The following AIG1 variants were observed in gnomAD, a reference collection of about 807,000 sequenced individuals.
AIG1 encodes the protein androgen-induced gene 1 protein.
AIG1 carries 23 observed loss-of-function variants against 31.4 expected under a neutral mutation model. The observed-to-expected ratio is 0.73, with a 90% confidence interval of 0.53 to 1.04. AIG1 has a LOEUF of 1.04. Among genes scored for constraint, AIG1 ranks in the 50% least tolerant of loss-of-function variants. The pLI is 0.00. For missense variants in AIG1, 274 were observed against 295.0 expected (o/e 0.93, Z 0.52); for synonymous variants, 100 against 110.5 (o/e 0.90, Z 0.60).
rs373472125 is a variant in AIG1, at chr6:143,219,057, T to C, written c.399+53874T>C. 2.7e-4 allele frequency among the ~76,000 whole-genome samples: 41 copies of C among 152,318 alleles called. 1 individual carries two copies. The highest frequency in any genetic ancestry group is 2.5e-3 in the Admixed American group (38 of 15,290). On this transcript the variant is annotated intron_variant, in intron 3 of 5. Transcript: ENST00000357847. ...AAAATTAATTAAATAGAAGAGTTAC[T>C]TTCCAAAATAGCAGAACTCATTAGA...
intron 3 of AIG1, among the ~76,000 whole-genome samples, chr6:143,230,144 T>C (rs1350315413): frequency 6.6e-6 from 1 of 152,198 alleles, no homozygotes; most frequent in Non-Finnish European, 1.5e-5. Context: ...TTTAAGATCC[T>C]TTAATGGTTT....
chr6:143,183,407 G>A (rs1446563007), intron 3 of AIG1, among the ~76,000 whole-genome samples: 1 of 152,128 alleles, frequency 6.6e-6, no homozygotes, highest in Admixed American at 6.5e-5. Context: ...TGTTGGCCAG[G>A]ATGGCCTCAA....
chr6:143,137,471 A>G (rs1467975418), intron 2 of AIG1, among the ~76,000 whole-genome samples: 1 of 152,178 alleles, frequency 6.6e-6, no homozygotes, highest in Non-Finnish European at 1.5e-5. Flanking sequence ...AATTCAGTCT[A>G]TCAGTTTCTT....
At chr6:143,103,717 C>T (rs938468458) in intron 1 of AIG1, among the ~76,000 whole-genome samples, 3 of 151,660 alleles carry the variant, frequency 2.0e-5, no homozygotes, top group Non-Finnish European at 4.4e-5. Flanking sequence ...CCATTTTAGC[C>T]GGGATGGTCT....
At chr6:143,178,106 G>A (rs183654292) in intron 3 of AIG1, among the ~76,000 whole-genome samples, 35 of 152,286 alleles carry the variant, frequency 2.3e-4, no homozygotes, top group African/African-American at 8.2e-4. Context: ...TGAGGAGTGC[G>A]TGCATTGCCT....
intron 4 of AIG1, among the ~76,000 whole-genome samples, chr6:143,309,667 G>T (rs187486374): frequency 6.6e-6 from 1 of 152,048 alleles, no homozygotes; most frequent in East Asian, 1.9e-4. Flanking sequence ...CACTTTAAAT[G>T]TGAATAGCCT....
intron 3 of AIG1, among the ~76,000 whole-genome samples, chr6:143,198,227 G>A (rs1244936756): frequency 6.6e-6 from 1 of 152,166 alleles, no homozygotes; most frequent in Non-Finnish European, 1.5e-5. Context: ...TTTTTAAGGT[G>A]TCATATACTT....
intron 3 of AIG1, among the ~76,000 whole-genome samples, chr6:143,255,034 C>T (rs1795286497): frequency 6.6e-6 from 1 of 151,780 alleles, no homozygotes. Flanking sequence ...GAGAACCTGT[C>T]TCAAAAGATT....
At chr6:143,095,929 A>G (rs1276023655) in intron 1 of AIG1, among the ~76,000 whole-genome samples, 1 of 107,668 alleles carries the variant, frequency 9.3e-6, no homozygotes, top group Non-Finnish European at 1.7e-5. Flanking sequence ...TTTTTTTGAG[A>G]TGGAGTCTCA....
chr6:143,122,775 GA>G (rs1413585091), intron 1 of AIG1, among the ~76,000 whole-genome samples: 3 of 152,102 alleles, frequency 2.0e-5, no homozygotes, highest in Non-Finnish European at 4.4e-5. Context: ...CTGTCATTGA[GA>G]ACAGCTTGAC....
At chr6:143,189,634 G>A (rs891623001) in intron 3 of AIG1, 3 of 985,292 alleles carry the variant, frequency 3.0e-6, no homozygotes, top group Middle Eastern at 5.2e-4. Flanking sequence ...CTTTTTTGAT[G>A]TGTCTTAAAG....
At chr6:143,133,773 T>G (rs1444707249) in intron 1 of AIG1, among the ~76,000 whole-genome samples, 1 of 152,136 alleles carries the variant, frequency 6.6e-6, no homozygotes, top group Non-Finnish European at 1.5e-5. Context: ...TAACTTGTCC[T>G]TGGAGGGTAT....
intron 3 of AIG1, among the ~76,000 whole-genome samples, chr6:143,215,801 T>C (rs546012683): frequency 1.2e-4 from 19 of 152,286 alleles, no homozygotes; most frequent in African/African-American, 4.6e-4. Flanking sequence ...GAGTAATGAA[T>C]GAACACTCTA....
At chr6:143,183,420 T>C (rs1466632057) in intron 3 of AIG1, among the ~76,000 whole-genome samples, 2 of 152,154 alleles carry the variant, frequency 1.3e-5, no homozygotes, top group Admixed American at 1.3e-4. Flanking sequence ...GGCCTCAATC[T>C]CCTGACCTCA....
upstream of AIG1, chr6:143,060,793 CCCCCGCCCCCGCCCCGCCCCG>C (rs1562331378): frequency 8.4e-6 from 1 of 118,744 alleles, no homozygotes; most frequent in Non-Finnish European, 1.8e-5. Flanking sequence ...CCCGCCCCCG[CCCCCGCCCCCGCCCCGCCCCG>C]CCCCGCGCCC....
At chr6:143,061,729 G>C (rs9321890) in intron 1 of AIG1, 2,327 of 169,838 alleles carry the variant, frequency 0.014, 61 homozygotes, top group African/African-American at 0.052. Context: ...CAAATTTACA[G>C]TAGTTTGCAT....
intron 2 of AIG1, among the ~76,000 whole-genome samples, chr6:143,161,909 C>T (rs1337630839): frequency 6.6e-6 from 1 of 151,996 alleles, no homozygotes; most frequent in African/African-American, 2.4e-5. Context: ...GCTCACTCTC[C>T]ATCACTTCTA....
chr6:143,334,580 C>T lies in AIG1; in HGVS notation c.679+1135C>T, dbSNP rs1173770481. ...AAGTATCAACATTTTTAATTCTGTT[C>T]AGGCCACAGCTTGGGGAACAAGACA... is the stretch of plus-strand genomic sequence containing the variant. On this transcript the variant is annotated intron_variant, in intron 5 of 5. Coordinates refer to ENST00000357847, the MANE Select transcript of AIG1 (RefSeq NM_016108.4). This position sits in a 1 kb window ranked among gnomAD's most constrained non-coding sequence, Gnocchi z 5.1. 6.6e-6 allele frequency among the ~76,000 whole-genome samples: 1 copy of T among 152,176 alleles called. No individual in the cohort carries two copies. The highest frequency in any genetic ancestry group is 2.4e-5 in the African/African-American group (1 of 41,442).
intron 1 of AIG1, among the ~76,000 whole-genome samples, chr6:143,084,309 G>T (rs1280691601): frequency 6.6e-6 from 1 of 152,156 alleles, no homozygotes; most frequent in East Asian, 1.9e-4. Flanking sequence ...GACATAAGGG[G>T]CATGGACGAG....
Sources: allele counts gnomAD v4.1 joint callset (sites outside exome capture counted in the v4.1 genomes callset), GRCh38; gene constraint gnomAD v4.1.1; non-coding constraint Gnocchi (gnomAD v3.1); transcripts MANE v1.5; gene names NCBI Gene and HGNC (gene_info 2026-07-23, HGNC 2026-07-21).